The following ROBO1 variants were observed in gnomAD, a reference collection of about 807,000 sequenced individuals.
The protein encoded by ROBO1 is roundabout guidance receptor 1, also known as roundabout homolog 1.
ROBO1 carries 149 observed loss-of-function variants against 195.9 expected under a neutral mutation model. That is an observed-to-expected ratio of 0.76 (90% CI 0.67 to 0.87). ROBO1 has a LOEUF of 0.87. ROBO1 is among the 40% of genes least tolerant of loss of function. ROBO1 has a pLI of 0.00. For synonymous variants in ROBO1, 816 were observed against 733.2 expected (o/e 1.11, Z -1.82); for missense variants, 1,933 against 2,068.3 (o/e 0.93, Z 1.27).
At chr3:78,936,302 C>T (rs992033334) in intron 4 of ROBO1, among the ~76,000 whole-genome samples, 4 of 151,802 alleles carry the variant, frequency 2.6e-5, no homozygotes, top group Non-Finnish European at 5.9e-5. Flanking sequence ...GCAAATAAAA[C>T]ACATGAAAAT....
chr3:78,649,552 G>C (rs1240048370), intron 19 of ROBO1, among the ~76,000 whole-genome samples: 1 of 151,990 alleles, frequency 6.6e-6, no homozygotes, highest in Non-Finnish European at 1.5e-5. Context: ...AGGTCAGTAG[G>C]CTCTTTTACA....
chr3:79,584,253 A>AATATATAT (rs10526101), intron 2 of ROBO1, among the ~76,000 whole-genome samples: 5 of 144,620 alleles, frequency 3.5e-5, no homozygotes, highest in East Asian at 4.2e-4. Context: ...AGGTACATGT[A>AATATATAT]ATATATATAT....
chr3:79,606,371 G>T (rs1159960590), intron 1 of ROBO1, among the ~76,000 whole-genome samples: 1 of 151,968 alleles, frequency 6.6e-6, no homozygotes, highest in South Asian at 2.1e-4. Flanking sequence ...GATTGATAAT[G>T]AATGACCCTC....
At chr3:79,093,502 G>A (rs888578601) in intron 3 of ROBO1, among the ~76,000 whole-genome samples, 7 of 151,902 alleles carry the variant, frequency 4.6e-5, no homozygotes, top group African/African-American at 7.3e-5. Context: ...AGTACATGAC[G>A]AAAACAAAAG....
chr3:78,691,637 G>T (rs1396830673), intron 8 of ROBO1, among the ~76,000 whole-genome samples: 1 of 152,120 alleles, frequency 6.6e-6, no homozygotes, highest in African/African-American at 2.4e-5. Context: ...AATATGCAAA[G>T]ATCGAGAGTG....
chr3:78,907,341 C>T (rs1445416666), intron 4 of ROBO1, among the ~76,000 whole-genome samples: 4 of 152,036 alleles, frequency 2.6e-5, no homozygotes, highest in African/African-American at 9.7e-5. Flanking sequence ...ATGAATGAAT[C>T]TAGCACAGTG....
intron 22 of ROBO1, among the ~76,000 whole-genome samples, chr3:78,639,327 A>G (rs1705774510): frequency 6.8e-6 from 1 of 148,026 alleles, no homozygotes; most frequent in African/African-American, 2.5e-5. Context: ...GCTGAGCCTG[A>G]TGGTGCAGGC....
intron 2 of ROBO1, among the ~76,000 whole-genome samples, chr3:79,344,050 T>C (rs2035013083): frequency 6.6e-6 from 1 of 152,184 alleles, no homozygotes. Flanking sequence ...GTGGTTTTTA[T>C]GACTGCTCAG....
chr3:79,275,427 A>G (rs578115970), intron 2 of ROBO1, among the ~76,000 whole-genome samples: 10 of 152,112 alleles, frequency 6.6e-5, no homozygotes, highest in South Asian at 4.2e-4. Flanking sequence ...ATACATTTCA[A>G]CATCCCTTCA....
At chr3:78,761,677 T>C (rs947030580) in intron 4 of ROBO1, among the ~76,000 whole-genome samples, 3 of 152,166 alleles carry the variant, frequency 2.0e-5, no homozygotes, top group African/African-American at 7.2e-5. Context: ...AAAAATTACA[T>C]TTAAAAATGA....
intron 1 of ROBO1, among the ~76,000 whole-genome samples, chr3:79,614,094 T>C (rs889444679): frequency 6.6e-6 from 1 of 151,968 alleles, no homozygotes; most frequent in African/African-American, 2.4e-5. Context: ...TAGAAAAGAA[T>C]GAGAAAATAT....
intron 8 of ROBO1, among the ~76,000 whole-genome samples, chr3:78,710,200 G>C (rs560800233): frequency 6.6e-6 from 1 of 152,032 alleles, no homozygotes; most frequent in Non-Finnish European, 1.5e-5. Context: ...CCCCCATGTC[G>C]CTGGGACTAC....
At chr3:79,495,348 T>C (rs971902546) in intron 2 of ROBO1, among the ~76,000 whole-genome samples, 1 of 152,192 alleles carries the variant, frequency 6.6e-6, no homozygotes, top group South Asian at 2.1e-4. Flanking sequence ...ATAAAAATAA[T>C]AGACAAGAGT....
At chr3:79,620,500 T>C (rs771852735) in intron 1 of ROBO1, among the ~76,000 whole-genome samples, 12 of 150,188 alleles carry the variant, frequency 8.0e-5, no homozygotes, top group Non-Finnish European at 1.6e-4. Context: ...ACTCCCCAAC[T>C]CTGGTGCCAA....
At chr3:79,484,606 G>T (rs1259081913) in intron 2 of ROBO1, among the ~76,000 whole-genome samples, 2 of 151,724 alleles carry the variant, frequency 1.3e-5, no homozygotes, top group African/African-American at 4.8e-5. Flanking sequence ...CCATAATTTG[G>T]TATGTTGTCT....
intron 2 of ROBO1, among the ~76,000 whole-genome samples, chr3:79,222,864 A>C (rs2082164560): frequency 6.6e-6 from 1 of 152,152 alleles, no homozygotes; most frequent in Non-Finnish European, 1.5e-5. Flanking sequence ...AACAAACAAA[A>C]ACAAGAGTGT....
At chr3:79,622,739 G>A (rs1418479079) in intron 1 of ROBO1, among the ~76,000 whole-genome samples, 1 of 152,208 alleles carries the variant, frequency 6.6e-6, no homozygotes, top group East Asian at 1.9e-4. Context: ...TTTTCCTGCT[G>A]GTAGTTCTGA....
At chr3:79,432,113 T>C (rs2038703482) in intron 2 of ROBO1, among the ~76,000 whole-genome samples, 1 of 152,100 alleles carries the variant, frequency 6.6e-6, no homozygotes, top group African/African-American at 2.4e-5. Flanking sequence ...TTTTTGTTTT[T>C]TAGATTTAGC....
At chr3:79,667,823 C>A (rs773387424) in intron 1 of ROBO1, among the ~76,000 whole-genome samples, 1 of 151,506 alleles carries the variant, frequency 6.6e-6, no homozygotes, top group Non-Finnish European at 1.5e-5. Flanking sequence ...TAAAACTTTC[C>A]AATATCCTTA....
Sources: allele counts gnomAD v4.1 joint callset (sites outside exome capture counted in the v4.1 genomes callset), GRCh38; gene constraint gnomAD v4.1.1; transcripts MANE v1.5; gene names NCBI Gene and HGNC (gene_info 2026-07-23, HGNC 2026-07-21).